The following CREB3L2 variants were observed in gnomAD, a reference collection of about 807,000 sequenced individuals.
The protein encoded by CREB3L2 is cyclic AMP-responsive element-binding protein 3-like protein 2.
CREB3L2 carries 23 observed loss-of-function variants against 57.2 expected under a neutral mutation model. The ratio of observed to expected loss-of-function variants is 0.40; its 90% CI spans 0.29 to 0.57. CREB3L2 has a LOEUF of 0.57. Among genes scored for constraint, CREB3L2 ranks in the 20% least tolerant of loss-of-function variants. The pLI, the probability that CREB3L2 is intolerant of heterozygous loss-of-function variation, is 0.42. For synonymous variants in CREB3L2, 268 were observed against 265.1 expected, an observed-to-expected ratio of 1.01 and a Z score of -0.11; for missense variants, 628 against 634.7, an observed-to-expected ratio of 0.99 and a Z score of 0.11.
chr7:137,995,813 T>C (rs1440397683), intron 1 of CREB3L2, among the ~76,000 whole-genome samples: 1 of 152,210 alleles, frequency 6.6e-6, no homozygotes, highest in Non-Finnish European at 1.5e-5. Context: ...CTGTTTCCCA[T>C]GAACACTGTA....
At chr7:137,928,450 C>T in intron 1 of CREB3L2, 84 bp from the exon 2 acceptor site, 1 of 1,052,642 alleles carries the variant, frequency 9.5e-7, no homozygotes, top group East Asian at 2.5e-5. Flanking sequence ...ATACCTCATC[C>T]ACTGCTCGAT....
At chr7:137,900,622 C>A (rs1799731734) in intron 8 of CREB3L2, among the ~76,000 whole-genome samples, 1 of 151,534 alleles carries the variant, frequency 6.6e-6, no homozygotes, top group Non-Finnish European at 1.5e-5. Context: ...TGGTGAAACC[C>A]CATCTCTACT....
intron 4 of CREB3L2, among the ~76,000 whole-genome samples, chr7:137,910,459 G>T (rs1563248596): frequency 6.6e-6 from 1 of 152,050 alleles, no homozygotes; most frequent in African/African-American, 2.4e-5. Flanking sequence ...AGGCAGCCCA[G>T]GAAGGGAAAA....
chr7:137,971,367 G>T (rs571774664), intron 1 of CREB3L2, among the ~76,000 whole-genome samples: 1 of 151,760 alleles, frequency 6.6e-6, no homozygotes, highest in Non-Finnish European at 1.5e-5. Flanking sequence ...GGAGAATGGC[G>T]TGAACCTGGG....
chr7:137,961,024 C>A (rs1801313015), intron 1 of CREB3L2, among the ~76,000 whole-genome samples: 1 of 151,642 alleles, frequency 6.6e-6, no homozygotes, highest in African/African-American at 2.4e-5. Flanking sequence ...AGGCTGGTCT[C>A]AAACTCCTGA....
At position 137,928,062 on chromosome 7, in the gene CREB3L2, C is replaced by T. The variant is rs73456340; in HGVS notation, c.319+88G>A. ...ATCTCACTAATAAGGGTGCTGACAC[C>T]CTCTTTAATATAATACACACTCCAC... On this transcript the variant is annotated intron_variant, in intron 2 of 11. Coordinates refer to ENST00000330387, the MANE Select transcript of CREB3L2 (RefSeq NM_194071.4). 8,314 of 1,019,414 alleles carry T rather than the reference C, an allele frequency of 8.2e-3. 302 individuals carry two copies. The African/African-American group carries it at 0.096, about 12-fold the overall frequency. The allele number at this position is 1,019,414 out of a possible 1,614,324, so 63.1% of individuals were successfully genotyped here.
chr7:137,930,788 C>T (rs1477797373), intron 1 of CREB3L2, among the ~76,000 whole-genome samples: 2 of 152,092 alleles, frequency 1.3e-5, no homozygotes, highest in Non-Finnish European at 2.9e-5. Flanking sequence ...CTGGAAGGTC[C>T]TTAGGAGTAT....
At chr7:137,899,139 A>G (rs181635221) in intron 8 of CREB3L2, among the ~76,000 whole-genome samples, 30 of 146,636 alleles carry the variant, frequency 2.0e-4, no homozygotes, top group African/African-American at 8.0e-4. Context: ...GAAGGAAGGA[A>G]GGAAGGAAGG....
rs562666348 is a variant in CREB3L2 at position 137,878,711 on chromosome 7, G to A, written c.*1765C>T. 26 of 234,246 alleles carry A rather than the reference G, an allele frequency of 1.1e-4. No homozygotes were observed. The highest frequency in any genetic ancestry group is 3.3e-4 in the Admixed American group (6 of 17,926). 14.5% of individuals were successfully genotyped at this position (234,246 alleles called of 1,614,324 possible). A position where few individuals can be genotyped will look rare whatever the true frequency, so the allele number is the denominator to read the frequency against. On this transcript the variant is annotated 3_prime_UTR_variant, in exon 12 of 12. Transcript: ENST00000330387. ...CTTGGCCGCTTTCCAGGCTGGAACCGTCTCCAGCATAGCAGAGAGAGGGGA... is the reference window on the plus strand; with the variant it reads ...CTTGGCCGCTTTCCAGGCTGGAACCATCTCCAGCATAGCAGAGAGAGGGGA...
chr7:137,987,264 A>G (rs1801808140), intron 1 of CREB3L2, among the ~76,000 whole-genome samples: 1 of 152,242 alleles, frequency 6.6e-6, no homozygotes, highest in African/African-American at 2.4e-5. Context: ...TCCAAAGGAT[A>G]ACATCTACTG....
intron 4 of CREB3L2, among the ~76,000 whole-genome samples, chr7:137,911,647 G>A (rs1222357311): frequency 1.3e-5 from 2 of 152,164 alleles, no homozygotes; most frequent in Non-Finnish European, 2.9e-5. Flanking sequence ...AGACCAGCCT[G>A]GGCAACATGG....
rs762826039 is a variant in CREB3L2, at chr7:137,915,923, C to T, written c.409G>A (p.Gly137Arg). The T allele has an allele frequency of 5.0e-6, 8 of 1,614,110 alleles. No individual in the cohort carries two copies. In the Admixed American group the frequency reaches 1.0e-4, roughly 20 times the overall value. ...TEPVTDEPPPGLVPSVTLTIT... is the reference protein window; with the variant it reads ...TEPVTDEPPPRLVPSVTLTIT... Reference sequence around the variant, plus strand: ...GTCAGAGTGACAGACGGAACGAGTCCTGGGGGTGGTTCGTCTGTAACTGGC... The same window carrying T: ...GTCAGAGTGACAGACGGAACGAGTCTTGGGGGTGGTTCGTCTGTAACTGGC... The change falls in exon 3 of 12, where the codon GGA becomes AGA. Residue 137 changes from glycine to arginine, a missense_variant. Coordinates refer to ENST00000330387, the MANE Select transcript of CREB3L2 (RefSeq NM_194071.4).
chr7:137,967,556 CAA>C (rs1289401998), intron 1 of CREB3L2, among the ~76,000 whole-genome samples: 1 of 152,210 alleles, frequency 6.6e-6, no homozygotes, highest in Non-Finnish European at 1.5e-5. Flanking sequence ...TAACCCAAAA[CAA>C]GAGATACTCC....
chr7:137,965,232 CT>C (rs1343577315), intron 1 of CREB3L2, among the ~76,000 whole-genome samples: 1 of 152,204 alleles, frequency 6.6e-6, no homozygotes, highest in Admixed American at 6.5e-5. Context: ...CCAGTAATTA[CT>C]GCTTCCTCAG....
intron 2 of CREB3L2, among the ~76,000 whole-genome samples, chr7:137,927,500 T>A (rs1359070072): frequency 1.3e-5 from 2 of 151,720 alleles, no homozygotes; most frequent in Non-Finnish European, 2.9e-5. Flanking sequence ...AAATTACACT[T>A]AAAAGATATA....
In CREB3L2 at chr7:137,880,569, G is replaced by C. The variant is rs1311644655; in HGVS notation, c.1488-18C>G. The C allele has an allele frequency of 1.9e-6, 3 of 1,592,260 alleles. No homozygotes were observed. The highest frequency in any genetic ancestry group is 2.2e-5 in the South Asian group (2 of 90,402). ...CGCTGACCCTGTGAAGGCATTAAAA[G>C]GAAAACGAAGTATTAGTCACCAGCT... On this transcript the variant is annotated intron_variant, in intron 11 of 11. Transcript: ENST00000330387. This position sits in a 1 kb window ranked among gnomAD's most constrained non-coding sequence, Gnocchi z 4.0.
Position 137,885,043 on chromosome 7 carries a change from C to T in CREB3L2, c.1222G>A (p.Ala408Thr). The T allele has an allele frequency of 1.2e-6, 2 of 1,614,184 alleles. No individual in the cohort carries two copies. Among genetic ancestry groups the T allele is most frequent in the Non-Finnish European group, 1.7e-6 (2 of 1,180,020 alleles). ...TGCAGGGAATGCTGGCTGGGCAGAG[C>T]CATCTTGGTGGCAGAAGGATAGGGC... The part of the protein sequence containing the change: ...YGPYPSATKM[A>T]LPSQHSLQEP... Residue 408 changes from alanine to threonine, a missense_variant, in exon 10 of 12, where the codon GCT becomes ACT. Ala to Thr is a moderately conservative substitution (Grantham distance 58). Around this residue, in one of 3 missense-constraint regions of CREB3L2, gnomAD observed 272 missense variants for 242.7 expected, o/e 1.12. Transcript: ENST00000330387.
At position 137,908,371 on chromosome 7, in the gene CREB3L2, T is replaced by A. The variant is rs770119154; in HGVS notation, c.649A>T (p.Ser217Cys). ...PSSHGSDSEG[S>C]LSPNPRLHPF... ...TGCAGGCGTGGGTTGGGACTCAGGC[T>A]GCCCTCTGAGTCACTGCCGTGACTG... The change falls in exon 5 of 12, where the codon AGC (serine) becomes TGC (cysteine). Residue 217 changes from serine to cysteine, a missense_variant. By Grantham distance (112) the Ser-to-Cys change is moderately radical. This residue lies in a region of CREB3L2 where 339 missense variants were observed against 355.4 expected (regional missense o/e 0.95). Coordinates refer to ENST00000330387, the MANE Select transcript of CREB3L2 (RefSeq NM_194071.4). The A allele has an allele frequency of 1.6e-5, 20 of 1,260,484 alleles. No individual in the cohort carries two copies. Among genetic ancestry groups the A allele is most frequent in the Non-Finnish European group, 2.0e-5 (20 of 994,416 alleles). The allele number at this position is 1,260,484 out of a possible 1,614,324, so 78.1% of individuals were successfully genotyped here. A position where few individuals can be genotyped will look rare whatever the true frequency, so the allele number is the denominator to read the frequency against.
intron 8 of CREB3L2, among the ~76,000 whole-genome samples, chr7:137,900,455 G>A (rs140620058): frequency 6.6e-6 from 1 of 152,268 alleles, no homozygotes; most frequent in Non-Finnish European, 1.5e-5. Flanking sequence ...AAATGGGTTT[G>A]AAATGCAATT....
Sources: gnomAD v4.1 joint callset for allele counts (sites outside exome capture counted in the v4.1 genomes callset) on GRCh38, gnomAD v4.1.1 for gene constraint, gnomAD v4.1.1 regional missense constraint, Gnocchi (gnomAD v3.1) non-coding constraint, MANE v1.5 for transcripts, NCBI Gene and HGNC (gene_info 2026-07-23, HGNC 2026-07-21) for gene names.